The following CEP15 variants were observed in gnomAD, a reference collection of about 807,000 sequenced individuals.
CEP15 encodes centrosomal protein 15 kDa.
chr3:62,321,937 C>T, the CEP15 span: 2 of 1,589,202 alleles, frequency 1.3e-6, no homozygotes, highest in East Asian at 2.3e-5. This position sits in a 1 kb window ranked among gnomAD's most constrained non-coding sequence, Gnocchi z 4.1. Context: ...TAGAGTATCA[C>T]AAAGATTAAT....
the CEP15 span, among the ~76,000 whole-genome samples, chr3:62,329,927 G>A: frequency 1.3e-5 from 2 of 152,098 alleles, no homozygotes; most frequent in Admixed American, 6.5e-5. Context: ...CGGTATAATC[G>A]CACAAATGTT....
the CEP15 span, among the ~76,000 whole-genome samples, chr3:62,327,586 A>C: frequency 6.6e-6 from 1 of 152,200 alleles, no homozygotes; most frequent in African/African-American, 2.4e-5. Context: ...GTTGGCAGTC[A>C]TTGATGATCA....
the CEP15 span, among the ~76,000 whole-genome samples, chr3:62,323,224 C>G: frequency 6.6e-6 from 1 of 152,124 alleles, no homozygotes; most frequent in Non-Finnish European, 1.5e-5. Context: ...CTCTTGATAT[C>G]AAGAACCCAG....
the CEP15 span, chr3:62,333,461 G>A: frequency 6.7e-7 from 1 of 1,488,528 alleles, no homozygotes; most frequent in Non-Finnish European, 9.0e-7. The surrounding 1 kb of genome is among the most constrained non-coding windows in gnomAD (Gnocchi z 4.0). Context: ...GTTATTGCAG[G>A]AACTTTAGGA....
chr3:62,333,690 T>A, the CEP15 span: 234 of 198,546 alleles, frequency 1.2e-3, no homozygotes, highest in African/African-American at 5.0e-3. This position sits in a 1 kb window ranked among gnomAD's most constrained non-coding sequence, Gnocchi z 4.0. Context: ...AAAAAAAAAA[T>A]TTACAATCAT....
chr3:62,332,777 G>A, the CEP15 span, among the ~76,000 whole-genome samples: 246 of 151,592 alleles, frequency 1.6e-3, 12 homozygotes, highest in South Asian at 0.049. Flanking sequence ...CACACTAGTT[G>A]TATTTCAGTT....
the CEP15 span, chr3:62,334,475 G>A: frequency 3.3e-5 from 5 of 152,092 alleles, no homozygotes; most frequent in Non-Finnish European, 7.4e-5. The surrounding 1 kb of genome is among the most constrained non-coding windows in gnomAD (Gnocchi z 4.9). Context: ...ATCCTGTTGA[G>A]TGGGTGTTGG....
the CEP15 span, chr3:62,319,142 A>G: frequency 6.6e-6 from 1 of 152,356 alleles, no homozygotes; most frequent in Non-Finnish European, 1.5e-5. Context: ...GATGTTGTTA[A>G]CGTAAAGAGC....
the CEP15 span, among the ~76,000 whole-genome samples, chr3:62,330,591 A>G: frequency 3.9e-5 from 6 of 152,294 alleles, no homozygotes; most frequent in African/African-American, 1.4e-4. Context: ...TTTTACAGCT[A>G]TAAGAGAAAA....
the CEP15 span, chr3:62,322,068 C>A: frequency 6.3e-7 from 1 of 1,597,860 alleles, no homozygotes; most frequent in Non-Finnish European, 8.5e-7. This position sits in a 1 kb window ranked among gnomAD's most constrained non-coding sequence, Gnocchi z 5.5. Context: ...GTTTCCATGA[C>A]TTGAATATAG....
chr3:62,331,236 G>A, the CEP15 span: 1 of 1,099,458 alleles, frequency 9.1e-7, no homozygotes, highest in African/African-American at 1.6e-5. Flanking sequence ...GAGTTGAGGT[G>A]AGAGATTTGG....
chr3:62,333,733 TAA>T, the CEP15 span: 62 of 164,376 alleles, frequency 3.8e-4, no homozygotes, highest in Middle Eastern at 2.9e-3. The surrounding 1 kb of genome is among the most constrained non-coding windows in gnomAD (Gnocchi z 4.0). Context: ...GTTCTGGTTT[TAA>T]GTTAAGTTTT....
chr3:62,333,263 C>A, the CEP15 span: 1 of 1,608,600 alleles, frequency 6.2e-7, no homozygotes, highest in Non-Finnish European at 8.5e-7. The surrounding 1 kb of genome is among the most constrained non-coding windows in gnomAD (Gnocchi z 4.0). Context: ...AGACTCGTTA[C>A]TGGGCATCAG....
chr3:62,322,058 G>A, the CEP15 span: 5 of 1,600,294 alleles, frequency 3.1e-6, no homozygotes, highest in South Asian at 4.6e-5. The surrounding 1 kb of genome is among the most constrained non-coding windows in gnomAD (Gnocchi z 5.5). Flanking sequence ...TTAAAGGTAA[G>A]TTTCCATGAC....
the CEP15 span, chr3:62,335,451 G>T: frequency 3.4e-5 from 5 of 148,348 alleles, no homozygotes; most frequent in African/African-American, 1.0e-4. Context: ...GCACCACATG[G>T]TGTCTGTTTA....
At chr3:62,333,870 C>G in the CEP15 span, 1 of 151,724 alleles carries the variant, frequency 6.6e-6, no homozygotes, top group Non-Finnish European at 1.5e-5. The surrounding 1 kb of genome is among the most constrained non-coding windows in gnomAD (Gnocchi z 4.0). Context: ...AGCAAAATAA[C>G]TTATGAGAAA....
At chr3:62,322,181 CT>C in the CEP15 span, 2 of 977,782 alleles carry the variant, frequency 2.0e-6, no homozygotes, top group Non-Finnish European at 3.0e-6. This position sits in a 1 kb window ranked among gnomAD's most constrained non-coding sequence, Gnocchi z 5.5. Flanking sequence ...AAAGCAGCAT[CT>C]TTTTTAAAAG....
the CEP15 span, among the ~76,000 whole-genome samples, chr3:62,327,295 A>G: frequency 6.6e-6 from 1 of 152,250 alleles, no homozygotes; most frequent in Non-Finnish European, 1.5e-5. Flanking sequence ...ACAAAGTCAA[A>G]AGAAACAGAT....
At chr3:62,332,280 G>A in the CEP15 span, among the ~76,000 whole-genome samples, 1 of 152,096 alleles carries the variant, frequency 6.6e-6, no homozygotes, top group Non-Finnish European at 1.5e-5. Flanking sequence ...TTCACAGCAG[G>A]ATGACCTTTA....
Sources: gnomAD v4.1 joint callset for allele counts (sites outside exome capture counted in the v4.1 genomes callset) on GRCh38, gnomAD v4.1.1 for gene constraint, Gnocchi (gnomAD v3.1) non-coding constraint, MANE v1.5 for transcripts, NCBI Gene and HGNC (gene_info 2026-07-23, HGNC 2026-07-21) for gene names.